Variants in GABRG3 observed in about 807,000 individuals in gnomAD.
GABRG3 encodes the protein gamma-aminobutyric acid receptor subunit gamma-3.
In GABRG3, 25 loss-of-function variants were observed where a neutral mutation model predicts 48.8. The observed-to-expected ratio is 0.51, with a 90% confidence interval of 0.37 to 0.72. The LOEUF (loss-of-function observed/expected upper bound fraction) is 0.72, where lower values mean the gene tolerates loss of function less well. Ranked by LOEUF, GABRG3 falls within the 30% of genes least tolerant of loss-of-function variation. The pLI is 0.00. For missense variants in GABRG3, 394 were observed against 577.9 expected (o/e 0.68, Z 3.26); for synonymous variants, 227 against 217.6 (o/e 1.04, Z -0.38).
At chr15:26,978,121 AT>A (rs1205250239) in intron 2 of GABRG3, among the ~76,000 whole-genome samples, 10 of 151,944 alleles carry the variant, frequency 6.6e-5, no homozygotes, top group Admixed American at 6.5e-4. Flanking sequence ...TTATTTATTT[AT>A]TTTGCCATCA....
chr15:27,492,053 T>C (rs8042002), intron 6 of GABRG3, among the ~76,000 whole-genome samples: 65,529 of 152,078 alleles, frequency 0.43, 14,596 homozygotes, highest in Middle Eastern at 0.52. Flanking sequence ...CTTTGTTTTA[T>C]CAATACAAAA....
At chr15:27,232,084 T>G (rs1889818009) in intron 3 of GABRG3, among the ~76,000 whole-genome samples, 1 of 152,340 alleles carries the variant, frequency 6.6e-6, no homozygotes, top group South Asian at 2.1e-4. Flanking sequence ...AAAATACTTT[T>G]TTAATATATG....
intron 2 of GABRG3, among the ~76,000 whole-genome samples, chr15:27,008,941 C>A (rs1461757260): frequency 6.6e-6 from 1 of 152,024 alleles, no homozygotes; most frequent in Admixed American, 6.6e-5. Flanking sequence ...AGCTGCAGCC[C>A]CCATGGATGA....
At chr15:27,017,196 C>T (rs867974089) in intron 2 of GABRG3, among the ~76,000 whole-genome samples, 1 of 152,152 alleles carries the variant, frequency 6.6e-6, no homozygotes, top group East Asian at 1.9e-4. Flanking sequence ...TCAGCATGGC[C>T]AGAGACTCTA....
intron 6 of GABRG3, among the ~76,000 whole-genome samples, chr15:27,512,469 G>A (rs1595802708): frequency 6.6e-6 from 1 of 152,144 alleles, no homozygotes; most frequent in Non-Finnish European, 1.5e-5. Context: ...CAGGAGGCAC[G>A]AGAAGCAGGA....
rs1009682189 is a variant in GABRG3, at chr15:27,214,774, A to G, written c.271-112035A>G. 2.6e-5 allele frequency among the ~76,000 whole-genome samples: 4 copies of G among 152,014 alleles called. No homozygotes were observed. The South Asian group carries it at 8.3e-4, about 32-fold the overall frequency. ...AATCCTGGTCACTGGTATTGAAACA[A>G]CATTGCAGGGTATTGAGTATTTGTG... On this transcript the variant is annotated intron_variant, in intron 3 of 9. Coordinates refer to ENST00000615808, the MANE Select transcript of GABRG3 (RefSeq NM_033223.5).
chr15:27,279,057 G>A (rs1891348536), intron 3 of GABRG3, among the ~76,000 whole-genome samples: 1 of 152,104 alleles, frequency 6.6e-6, no homozygotes, highest in Non-Finnish European at 1.5e-5. Flanking sequence ...GAAGTTGTAT[G>A]CTTATTTGCC....
intron 5 of GABRG3, 102 bp downstream of exon 5, chr15:27,328,990 C>A: frequency 1.0e-6 from 1 of 965,574 alleles, no homozygotes; most frequent in Non-Finnish European, 1.6e-6. Context: ...AGTGTCCCTG[C>A]ACACACAGAG....
intron 3 of GABRG3, among the ~76,000 whole-genome samples, chr15:27,189,859 G>C (rs1316400219): frequency 2.0e-5 from 3 of 151,968 alleles, no homozygotes; most frequent in Non-Finnish European, 4.4e-5. Flanking sequence ...ATTGGCTGTG[G>C]GTTTGTCATA....
In GABRG3 at chr15:27,498,954, A is replaced by C. The variant is rs141362626; in HGVS notation, c.712+18167A>C. 3.3e-5 allele frequency among the ~76,000 whole-genome samples: 5 copies of C among 152,216 alleles called. No individual in the cohort carries two copies. The South Asian group carries it at 1.0e-3, about 31-fold the overall frequency. On this transcript the variant is annotated intron_variant, in intron 6 of 9. Coordinates refer to ENST00000615808, the MANE Select transcript of GABRG3 (RefSeq NM_033223.5). ...CTTGTCTCTGACTCCCACGACAAGCATCACCTTTTCTGTGATGTGGCTGCG... is the reference window on the plus strand; with the variant it reads ...CTTGTCTCTGACTCCCACGACAAGCCTCACCTTTTCTGTGATGTGGCTGCG...
chr15:27,303,136 G>C (rs913512578), intron 3 of GABRG3, among the ~76,000 whole-genome samples: 2 of 151,076 alleles, frequency 1.3e-5, no homozygotes, highest in Non-Finnish European at 3.0e-5. Context: ...AAAAATCAAT[G>C]AAATTGAAAA....
intron 3 of GABRG3, among the ~76,000 whole-genome samples, chr15:27,138,794 A>G (rs995120997): frequency 3.3e-5 from 5 of 152,174 alleles, no homozygotes; most frequent in Non-Finnish European, 7.3e-5. Context: ...TATCATTCTG[A>G]ATAATTATCC....
chr15:27,264,207 C>T (rs940254045), intron 3 of GABRG3, among the ~76,000 whole-genome samples: 4 of 151,786 alleles, frequency 2.6e-5, no homozygotes, highest in Admixed American at 2.0e-4. Flanking sequence ...AGCCCAAATA[C>T]TAAACATAAA....
At chr15:27,225,006 C>T (rs1889567001) in intron 3 of GABRG3, among the ~76,000 whole-genome samples, 1 of 152,072 alleles carries the variant, frequency 6.6e-6, no homozygotes, top group South Asian at 2.1e-4. Flanking sequence ...GGAGAGTCTT[C>T]ACCCTCCTTG....
At position 27,179,925 on chromosome 15, in the gene GABRG3, G is replaced by A. The variant is rs890728524; in HGVS notation, c.271-146884G>A. On this transcript the variant is annotated intron_variant, in intron 3 of 9. Transcript: ENST00000615808. This position sits in a 1 kb window ranked among gnomAD's most constrained non-coding sequence, Gnocchi z 4.0. ...TACCAGATTGTTCTCTTGATTCACA[G>A]TTCATCGCCTCCTAGATGAGGCTGG... is the stretch of plus-strand genomic sequence containing the variant. Among the ~76,000 whole-genome samples the A allele has an allele frequency of 6.6e-6, 1 of 152,210 alleles. No individual in the cohort carries two copies. Among genetic ancestry groups the A allele is most frequent in the Non-Finnish European group, 1.5e-5 (1 of 68,036 alleles).
chr15:27,270,793 T>C (rs28537379), intron 3 of GABRG3, among the ~76,000 whole-genome samples: 99,518 of 152,082 alleles, frequency 0.65, 33,608 homozygotes, highest in African/African-American at 0.78. Flanking sequence ...CTGATTTGAT[T>C]ATTATACAGC....
intron 3 of GABRG3, among the ~76,000 whole-genome samples, chr15:27,139,267 G>A (rs748676284): frequency 6.6e-6 from 1 of 151,638 alleles, no homozygotes; most frequent in Non-Finnish European, 1.5e-5. Context: ...GGCTGGTTTG[G>A]GGGGTGCAGA....
chr15:27,332,008 T>C (rs1893818032), intron 5 of GABRG3, among the ~76,000 whole-genome samples: 1 of 152,028 alleles, frequency 6.6e-6, no homozygotes, highest in Admixed American at 6.6e-5. Context: ...AAAGTATAAG[T>C]TTTTGAACCA....
At chr15:27,022,777 C>T (rs935501374) in intron 2 of GABRG3, among the ~76,000 whole-genome samples, 20 of 152,158 alleles carry the variant, frequency 1.3e-4, no homozygotes, top group African/African-American at 3.9e-4. Flanking sequence ...CTCCTCAGCT[C>T]ATCATGATAG....
Sources: gnomAD v4.1 joint callset for allele counts (sites outside exome capture counted in the v4.1 genomes callset) on GRCh38, gnomAD v4.1.1 for gene constraint, Gnocchi (gnomAD v3.1) non-coding constraint, MANE v1.5 for transcripts, NCBI Gene and HGNC (gene_info 2026-07-23, HGNC 2026-07-21) for gene names.